The following CMBL variants were observed in gnomAD, a reference collection of about 807,000 sequenced individuals.
The protein encoded by CMBL is carboxymethylenebutenolidase homolog (Pseudomonas).
In CMBL, 17 loss-of-function variants were observed where a neutral mutation model predicts 28.7. The ratio of observed to expected loss-of-function variants is 0.59; its 90% CI spans 0.41 to 0.89. CMBL has a LOEUF of 0.89. Among genes scored for constraint, CMBL ranks in the 40% least tolerant of loss-of-function variants. The pLI, the probability that CMBL is intolerant of heterozygous loss-of-function variation, is 0.00. For synonymous variants in CMBL, 106 were observed against 101.6 expected (o/e 1.04, Z -0.26); for missense variants, 310 against 298.5 (o/e 1.04, Z -0.28).
At position 10,300,249 on chromosome 5, in the gene CMBL, G is replaced by A. The variant is rs150750832; in HGVS notation, c.-20+7376C>T. ...AGGTGGAGATGGGAAGGATGCACCT[G>A]CAAGCCAAGGATTGCTGGCCCCCCA... On this transcript the variant is annotated intron_variant, in intron 1 of 5. Transcript: ENST00000296658. Among the ~76,000 whole-genome samples, 178 of 151,812 alleles carry A rather than the reference G, an allele frequency of 1.2e-3. 2 individuals carry two copies. The highest frequency in any genetic ancestry group is 3.9e-3 in the African/African-American group (162 of 41,326).
At chr5:10,283,603 A>T (rs750321213) in intron 4 of CMBL, among the ~76,000 whole-genome samples, 3 of 152,072 alleles carry the variant, frequency 2.0e-5, no homozygotes, top group Non-Finnish European at 2.9e-5. Flanking sequence ...CCCACGCAAA[A>T]CCTTGTCTCT....
chr5:10,284,820 T>C (rs1302183901), intron 4 of CMBL, among the ~76,000 whole-genome samples: 1 of 152,192 alleles, frequency 6.6e-6, no homozygotes, highest in Non-Finnish European at 1.5e-5. Context: ...TATGTGTCTT[T>C]TTTGTTTTCG....
chr5:10,293,304 G>A (rs1044993535), intron 1 of CMBL, among the ~76,000 whole-genome samples: 8 of 152,214 alleles, frequency 5.3e-5, no homozygotes, highest in African/African-American at 1.9e-4. Context: ...TACAGTCCTG[G>A]AGGCTGGGAA....
intron 1 of CMBL, among the ~76,000 whole-genome samples, chr5:10,298,117 G>A (rs1746839874): frequency 6.6e-6 from 1 of 151,380 alleles, no homozygotes; most frequent in South Asian, 2.1e-4. Flanking sequence ...AGTCATGAGA[G>A]GGGGCAGGAG....
rs1746444773 is a variant in CMBL at position 10,279,012 on chromosome 5, G to A, written c.*1441C>T. 1.3e-5 allele frequency among the ~76,000 whole-genome samples: 2 copies of A among 152,194 alleles called. No homozygotes were observed. Among genetic ancestry groups the A allele is most frequent in the Admixed American group, 6.5e-5 (1 of 15,278 alleles). On this transcript the variant is annotated 3_prime_UTR_variant, in exon 6 of 6. Coordinates refer to ENST00000296658, the MANE Select transcript of CMBL (RefSeq NM_138809.4). ...ACAGCCACTCTCTCCTGAGAAGGAC[G>A]TCAAGACAAAATTAGGAAAAAAACT...
chr5:10,293,573 CAAG>C (rs1346331799), intron 1 of CMBL, among the ~76,000 whole-genome samples: 2 of 152,108 alleles, frequency 1.3e-5, no homozygotes, highest in East Asian at 1.9e-4. Context: ...AGGTAAGAAA[CAAG>C]AATAGCCACA....
At position 10,282,287 on chromosome 5, in the gene CMBL, G is replaced by A. The variant is rs1320800485; in HGVS notation, c.468C>T (p.Gly156=). The change falls in exon 5 of 6, where the codon GGC becomes GGT. Residue 156 remains glycine, a splice_region_variant and synonymous_variant. Coordinates refer to ENST00000296658, the MANE Select transcript of CMBL (RefSeq NM_138809.4). ...SEFRAGVSVY[G]IVKDSEDIYN... is the part of the protein sequence containing the mutation. The stretch of plus-strand genomic sequence containing the variant: ...AAATGTCTTCAGAATCCTTGACAAT[G>A]CCTGAAAAACAAGCACAGAGGCATG... 2 of 1,583,178 alleles carry A rather than the reference G, an allele frequency of 1.3e-6. No individual in the cohort carries two copies. Among genetic ancestry groups the A allele is most frequent in the Admixed American group, 1.7e-5 (1 of 59,982 alleles).
At chr5:10,303,431 T>C (rs1314172307) in intron 1 of CMBL, among the ~76,000 whole-genome samples, 1 of 152,230 alleles carries the variant, frequency 6.6e-6, no homozygotes, top group Non-Finnish European at 1.5e-5. Flanking sequence ...AACACATGTA[T>C]TTATTAAAAG....
intron 5 of CMBL, among the ~76,000 whole-genome samples, chr5:10,281,881 CAGGCGTGGTGGCTCACACCCATA>C (rs139691846): frequency 0.043 from 6,551 of 152,232 alleles, 445 homozygotes; most frequent in African/African-American, 0.15. Flanking sequence ...TAAATGAGGC[CAGGCGTGGTGGCTCACACCCATA>C]ATCCCATCAC....
intron 5 of CMBL, among the ~76,000 whole-genome samples, chr5:10,281,459 C>T (rs528121018): frequency 6.6e-6 from 1 of 152,274 alleles, no homozygotes; most frequent in African/African-American, 2.4e-5. Context: ...CTCAATCAAT[C>T]CTCCCACCTC....
chr5:10,306,184 T>A (rs1050811630), intron 1 of CMBL, among the ~76,000 whole-genome samples: 2 of 152,164 alleles, frequency 1.3e-5, no homozygotes, highest in African/African-American at 4.8e-5. Flanking sequence ...TTTTCCTGAT[T>A]TCACGCCCTA....
At position 10,286,342 on chromosome 5, in the gene CMBL, A is replaced by G. The variant is rs758556381; in HGVS notation, c.466+12T>C. The G allele has an allele frequency of 5.0e-6, 8 of 1,612,000 alleles. No homozygotes were observed. In the African/African-American group the frequency reaches 8.0e-5, roughly 16 times the overall value. ...CTTCTGCATGGAGTAAAAATGCACAAGGCAGATTTACCATAGACGGACACC... is the reference window on the plus strand; with the variant it reads ...CTTCTGCATGGAGTAAAAATGCACAGGGCAGATTTACCATAGACGGACACC... On this transcript the variant is annotated intron_variant, in intron 4 of 5. Coordinates refer to ENST00000296658, the MANE Select transcript of CMBL (RefSeq NM_138809.4).
chr5:10,304,631 A>ATG (rs1254857567), intron 1 of CMBL, among the ~76,000 whole-genome samples: 13 of 152,230 alleles, frequency 8.5e-5, no homozygotes, highest in African/African-American at 3.1e-4. Context: ...GACAAAAGAA[A>ATG]TGTTGAGATG....
rs1162284245 is a variant in CMBL, at chr5:10,282,190, A to C, written c.558+7T>G. 1 of 1,590,728 alleles carries C rather than the reference A, an allele frequency of 6.3e-7. No individual in the cohort carries two copies. The highest frequency in any genetic ancestry group is 8.6e-7 in the Non-Finnish European group (1 of 1,158,878). ...AATAAATACGAAGAGAAAAGATGCCAACTTACGTCCTTGAGTGGAATCACA... is the reference window on the plus strand; with the variant it reads ...AATAAATACGAAGAGAAAAGATGCCCACTTACGTCCTTGAGTGGAATCACA... On this transcript the variant is annotated splice_region_variant and intron_variant, in intron 5 of 5. Coordinates refer to ENST00000296658, the MANE Select transcript of CMBL (RefSeq NM_138809.4).
At chr5:10,288,766 T>C (rs1746652994) in intron 2 of CMBL, among the ~76,000 whole-genome samples, 1 of 152,174 alleles carries the variant, frequency 6.6e-6, no homozygotes, top group Non-Finnish European at 1.5e-5. Flanking sequence ...AACCCAGCCC[T>C]GGCAATGAGG....
At chr5:10,283,429 G>GAGTGTGGA (rs1036282128) in intron 4 of CMBL, among the ~76,000 whole-genome samples, 3 of 152,128 alleles carry the variant, frequency 2.0e-5, no homozygotes, top group Admixed American at 6.6e-5. Flanking sequence ...ACCAGACCAC[G>GAGTGTGGA]AGTGTGGAAG....
chr5:10,292,593 G>T (rs377637564), intron 1 of CMBL, among the ~76,000 whole-genome samples: 14 of 152,192 alleles, frequency 9.2e-5, no homozygotes, highest in African/African-American at 3.4e-4. Context: ...GGGAGGCCAA[G>T]GCAGGTGGAT....
intron 1 of CMBL, among the ~76,000 whole-genome samples, chr5:10,291,683 G>T (rs1746723326): frequency 6.6e-6 from 1 of 151,660 alleles, no homozygotes; most frequent in South Asian, 2.1e-4. Context: ...AAAAAGAAAA[G>T]AAAAGAAAAA....
rs1057100428 is a variant in CMBL at position 10,278,063 on chromosome 5, C to A, written c.*2390G>T. Among the ~76,000 whole-genome samples, 2 of 152,200 alleles carry A rather than the reference C, an allele frequency of 1.3e-5. No individual in the cohort carries two copies. The highest frequency in any genetic ancestry group is 2.4e-5 in the African/African-American group (1 of 41,454). On this transcript the variant is annotated 3_prime_UTR_variant, in exon 6 of 6. Coordinates refer to ENST00000296658, the MANE Select transcript of CMBL (RefSeq NM_138809.4). ...GGCTTTGGCCTGTTGGGGTCCACAA[C>A]TAAGTGTCCACAGTAGACCAGCCCT...
Sources: gnomAD v4.1 joint callset for allele counts (sites outside exome capture counted in the v4.1 genomes callset) on GRCh38, gnomAD v4.1.1 for gene constraint, MANE v1.5 for transcripts, NCBI Gene and HGNC (gene_info 2026-07-23, HGNC 2026-07-21) for gene names.